ZNF695: variants seen among roughly 807,000 people sequenced by gnomAD.
The protein encoded by ZNF695 is zinc finger protein SBZF3.
Under a neutral mutation model 11.2 loss-of-function variants are expected in ZNF695, and 11 were observed. The observed-to-expected ratio is 0.98, with a 90% confidence interval of 0.62 to 1.62. The LOEUF (loss-of-function observed/expected upper bound fraction) is 1.62. Ranked by LOEUF, ZNF695 falls within the 40% of genes most tolerant of loss-of-function variation. The probability of loss-of-function intolerance (pLI) is 0.00; values close to 1 mark genes in which losing one functional copy is unlikely to be tolerated. For missense variants in ZNF695, 559 were observed against 590.5 expected, an observed-to-expected ratio of 0.95 and a Z score of 0.55; for synonymous variants, 190 against 201.4, an observed-to-expected ratio of 0.94 and a Z score of 0.48.
intron 5 of ZNF695, among the ~76,000 whole-genome samples, chr1:246,956,344 G>A (rs931197372): frequency 2.0e-5 from 3 of 151,610 alleles, no homozygotes; most frequent in African/African-American, 7.3e-5. Context: ...GGCCGGGCGC[G>A]GTGGCTCATG....
chr1:247,001,544 T>G (rs1669382502), intron 1 of ZNF695, among the ~76,000 whole-genome samples: 1 of 151,512 alleles, frequency 6.6e-6, no homozygotes, highest in Admixed American at 6.6e-5. Context: ...AAACCCCATC[T>G]CTACTAAAAC....
chr1:246,974,119 T>G (rs980913220), intron 4 of ZNF695, among the ~76,000 whole-genome samples: 11 of 150,606 alleles, frequency 7.3e-5, no homozygotes, highest in Non-Finnish European at 1.5e-4. Context: ...TGCTAACTTA[T>G]TAATTGCCTA....
chr1:246,984,358 A>C (rs1558313837), downstream of ZNF695, among the ~76,000 whole-genome samples: 1 of 151,920 alleles, frequency 6.6e-6, no homozygotes, highest in South Asian at 2.1e-4. Context: ...CCACAAAAAA[A>C]CAGAGATAAT....
intron 5 of ZNF695, among the ~76,000 whole-genome samples, chr1:246,949,328 C>T (rs1266722749): frequency 6.6e-6 from 1 of 152,098 alleles, no homozygotes; most frequent in East Asian, 1.9e-4. Context: ...TGGTAGCTCA[C>T]AGTTGTAACC....
At chr1:246,965,618 C>T (rs932490435) in intron 5 of ZNF695, among the ~76,000 whole-genome samples, 2 of 151,140 alleles carry the variant, frequency 1.3e-5, no homozygotes, top group Non-Finnish European at 3.0e-5. Context: ...GTGCCTGTAG[C>T]CCCAGCTACT....
At chr1:246,965,628 T>G (rs1668270227) in intron 5 of ZNF695, among the ~76,000 whole-genome samples, 1 of 151,870 alleles carries the variant, frequency 6.6e-6, no homozygotes, top group Non-Finnish European at 1.5e-5. Flanking sequence ...CCCCAGCTAC[T>G]CAGGAGGCTG....
intron 5 of ZNF695, among the ~76,000 whole-genome samples, chr1:246,959,008 G>A (rs1668080306): frequency 6.6e-6 from 1 of 151,732 alleles, no homozygotes; most frequent in Admixed American, 6.6e-5. Context: ...CTGTGTCTTG[G>A]CCAGGTGCGT....
chr1:247,006,110 A>G (rs1669525789), intron 1 of ZNF695, among the ~76,000 whole-genome samples: 1 of 151,946 alleles, frequency 6.6e-6, no homozygotes, highest in Non-Finnish European at 1.5e-5. Flanking sequence ...CTGTGGTCCC[A>G]GCTACTCGGG....
rs141611235 is a variant in ZNF695 at position 247,000,490 on chromosome 1, T to C, written c.4-416A>G. On this transcript the variant is annotated intron_variant, in intron 1 of 3. Coordinates refer to ENST00000339986, the MANE Select transcript of ZNF695 (RefSeq NM_020394.5). ...CAGCCTGGGTGACAGAGCGAGACTC[T>C]GTCTCAAAAATAAATAAATAAACAA... 4.4e-3 allele frequency among the ~76,000 whole-genome samples: 674 copies of C among 152,234 alleles called. 4 individuals carry two copies. The highest frequency in any genetic ancestry group is 0.015 in the African/African-American group (631 of 41,540).
chr1:246,966,881 G>A (rs1668304161), intron 5 of ZNF695: 3 of 456,428 alleles, frequency 6.6e-6, no homozygotes, highest in Non-Finnish European at 1.3e-5. Flanking sequence ...AGGAGTTATT[G>A]GAGGGTTTGA....
intron 5 of ZNF695, among the ~76,000 whole-genome samples, chr1:246,947,625 G>T (rs1391530333): frequency 2.0e-5 from 3 of 151,670 alleles, no homozygotes. Context: ...GACACTGTGA[G>T]TGGTATATCG....
chr1:246,967,193 C>CT (rs1427141290), intron 5 of ZNF695, among the ~76,000 whole-genome samples: 1 of 152,188 alleles, frequency 6.6e-6, no homozygotes, highest in Non-Finnish European at 1.5e-5. Context: ...CTGCCTCGGC[C>CT]TCCCAAAGTG....
chr1:247,001,202 TG>T (rs144338369), intron 1 of ZNF695, among the ~76,000 whole-genome samples: 1,986 of 152,202 alleles, frequency 0.013, 41 homozygotes, highest in African/African-American at 0.046. Flanking sequence ...GAGAAAAATC[TG>T]TCGAGCAATC....
At position 247,007,929 on chromosome 1, in the gene ZNF695, C is replaced by G. The variant is rs762999072; in HGVS notation, c.-21G>C. 1 of 1,524,134 alleles carries G rather than the reference C, an allele frequency of 6.6e-7. No homozygotes were observed. Among genetic ancestry groups the G allele is most frequent in the Non-Finnish European group, 8.9e-7 (1 of 1,128,274 alleles). 94.4% of individuals were successfully genotyped at this position (1,524,134 alleles called of 1,614,324 possible). On this transcript the variant is annotated 5_prime_UTR_variant, in exon 1 of 4. Transcript: ENST00000339986. ...ACCATTTCCCAGCTTTTGGGGGTCCCAGCGTCCTCCCTATAAATCTCGCAA... is the reference window on the plus strand; with the variant it reads ...ACCATTTCCCAGCTTTTGGGGGTCCGAGCGTCCTCCCTATAAATCTCGCAA...
chr1:246,998,744 G>T (rs1298680507), intron 3 of ZNF695, among the ~76,000 whole-genome samples: 1 of 152,200 alleles, frequency 6.6e-6, no homozygotes, highest in Admixed American at 6.5e-5. Context: ...GAGGCAGGTG[G>T]ATCATGAGGT....
chr1:246,985,442 T>A lies in ZNF695; in HGVS notation c.*1525A>T. On this transcript the variant is annotated 3_prime_UTR_variant, in exon 4 of 4. Coordinates refer to ENST00000339986, the MANE Select transcript of ZNF695 (RefSeq NM_020394.5). ...ACAATATTTTTCAAATTATTTGAAG[T>A]TTAATGCCACTGGGAGAAGGGATCA... is the stretch of plus-strand genomic sequence containing the variant. 57 of 985,284 alleles carry A rather than the reference T, an allele frequency of 5.8e-5. No individual in the cohort carries two copies. Among genetic ancestry groups the A allele is most frequent in the Non-Finnish European group, 6.9e-5 (57 of 829,894 alleles). The allele number at this position is 985,284 out of a possible 1,614,324, so 61.0% of individuals were successfully genotyped here.
At chr1:246,962,294 C>G (rs1242801057) in intron 5 of ZNF695, among the ~76,000 whole-genome samples, 1 of 152,184 alleles carries the variant, frequency 6.6e-6, no homozygotes, top group Non-Finnish European at 1.5e-5. Flanking sequence ...CCCTCATGGC[C>G]CAGTCACAGG....
chr1:246,984,973 G>C (rs57144133), downstream of ZNF695, among the ~76,000 whole-genome samples: 58 of 152,274 alleles, frequency 3.8e-4, 1 homozygote, highest in East Asian at 0.011. Flanking sequence ...TGCAAAATAA[G>C]ATTTTAGAGA....
intron 5 of ZNF695, among the ~76,000 whole-genome samples, chr1:246,951,055 G>T (rs977769282): frequency 1.3e-5 from 2 of 152,022 alleles, no homozygotes; most frequent in Non-Finnish European, 2.9e-5. Flanking sequence ...AATTCATATT[G>T]TAGGAATATT....
Sources: allele counts gnomAD v4.1 joint callset (sites outside exome capture counted in the v4.1 genomes callset), GRCh38; gene constraint gnomAD v4.1.1; transcripts MANE v1.5; gene names NCBI Gene and HGNC (gene_info 2026-07-23, HGNC 2026-07-21).